The following SHB variants were observed in gnomAD, a reference collection of about 807,000 sequenced individuals.
SHB encodes the protein SH2 domain containing adaptor protein B, also known as SH2 domain-containing adapter protein B.
Under a neutral mutation model 52.3 loss-of-function variants are expected in SHB, and 20 were observed. The ratio of observed to expected loss-of-function variants is 0.38; its 90% confidence interval spans 0.27 to 0.56. The LOEUF (loss-of-function observed/expected upper bound fraction) is 0.56, where lower values mean the gene tolerates loss of function less well. SHB is among the 20% of genes least tolerant of loss of function. The probability of loss-of-function intolerance (pLI) is 0.71; values close to 1 mark genes in which losing one functional copy is unlikely to be tolerated. For synonymous variants in SHB, 397 were observed against 316.5 expected (o/e 1.25, Z -2.70); for missense variants, 825 against 723.3 (o/e 1.14, Z -1.61).
intron 3 of SHB, among the ~76,000 whole-genome samples, chr9:37,959,669 G>T (rs544312545): frequency 6.6e-6 from 1 of 152,094 alleles, no homozygotes; most frequent in East Asian, 1.9e-4. Context: ...CAAGCTTTTC[G>T]GCACAACCCA....
At chr9:37,989,895 C>T (rs1055591774) in intron 2 of SHB, among the ~76,000 whole-genome samples, 1 of 152,338 alleles carries the variant, frequency 6.6e-6, no homozygotes, top group African/African-American at 2.4e-5. Context: ...TCCTCTCAGG[C>T]AGCTCTTTCC....
chr9:38,015,381 C>T (rs779923479), intron 2 of SHB: 1 of 702,624 alleles, frequency 1.4e-6, no homozygotes, highest in South Asian at 1.5e-5. Flanking sequence ...TACCCAGCCA[C>T]ATTCTTCTTG....
chr9:38,006,797 C>T (rs1046162604), intron 2 of SHB, among the ~76,000 whole-genome samples: 3 of 152,238 alleles, frequency 2.0e-5, no homozygotes, highest in African/African-American at 7.2e-5. Flanking sequence ...GCCCGTGCTC[C>T]TCTACTGGGG....
At chr9:38,025,975 T>C (rs1010474615) in intron 1 of SHB, among the ~76,000 whole-genome samples, 1 of 152,174 alleles carries the variant, frequency 6.6e-6, no homozygotes, top group Admixed American at 6.5e-5. Context: ...ACAGAGTGCC[T>C]CCCAAACTGG....
intron 1 of SHB, among the ~76,000 whole-genome samples, chr9:38,058,164 C>A (rs1199649171): frequency 1.3e-5 from 2 of 152,244 alleles, no homozygotes; most frequent in Non-Finnish European, 2.9e-5. Context: ...GGGATCCCCT[C>A]TGTCTTGGAT....
chr9:38,029,109 C>T (rs1410027897), intron 1 of SHB, among the ~76,000 whole-genome samples: 2 of 152,180 alleles, frequency 1.3e-5, no homozygotes, highest in Non-Finnish European at 2.9e-5. Flanking sequence ...GTAAATGATT[C>T]TAGTCCACCA....
Position 37,916,919 on chromosome 9 carries a change from C to T in SHB, c.*2902G>A, listed in dbSNP as rs1228962247. Among the ~76,000 whole-genome samples the T allele has an allele frequency of 6.6e-6, 1 of 152,060 alleles. No homozygotes were observed. Among genetic ancestry groups the T allele is most frequent in the South Asian group, 2.1e-4 (1 of 4,826 alleles). ...CAAAGAAGGGAGACACAGAAACAGC[C>T]GCTAGTGCTGGAGGTTCTCAGACAA... is the stretch of plus-strand genomic sequence containing the variant. On this transcript the variant is annotated 3_prime_UTR_variant, in exon 6 of 6. Coordinates refer to ENST00000377707, the MANE Select transcript of SHB (RefSeq NM_003028.3).
At chr9:38,011,520 G>A (rs1032926235) in intron 2 of SHB, among the ~76,000 whole-genome samples, 1 of 152,176 alleles carries the variant, frequency 6.6e-6, no homozygotes, top group Non-Finnish European at 1.5e-5. Flanking sequence ...TTGTGGGGCT[G>A]GTCCTGGGTG....
At chr9:37,939,659 T>C (rs184434644) in intron 5 of SHB, among the ~76,000 whole-genome samples, 12 of 152,302 alleles carry the variant, frequency 7.9e-5, no homozygotes, top group Admixed American at 2.6e-4. Flanking sequence ...TAGTTGGCCA[T>C]TGGCTGGGCT....
At chr9:38,036,493 C>A (rs1463881305) in intron 1 of SHB, among the ~76,000 whole-genome samples, 1 of 152,208 alleles carries the variant, frequency 6.6e-6, no homozygotes, top group East Asian at 1.9e-4. Context: ...GACTTGGGCA[C>A]AAGGAACCCC....
intron 5 of SHB, among the ~76,000 whole-genome samples, chr9:37,941,256 A>G (rs1195401474): frequency 6.6e-6 from 1 of 152,242 alleles, no homozygotes; most frequent in East Asian, 1.9e-4. Context: ...TCTGAGGTCC[A>G]TAATAAAGAC....
chr9:37,915,920 T>C lies in SHB; in HGVS notation c.*3901A>G, dbSNP rs1197798094. On this transcript the variant is annotated 3_prime_UTR_variant, in exon 6 of 6. Transcript: ENST00000377707. ...TGGTAAACAAGACACTTGTAGTATA[T>C]TAAGAGCTTCACATTAAATATTCAT... 6.6e-6 allele frequency among the ~76,000 whole-genome samples: 1 copy of C among 152,060 alleles called. No individual in the cohort carries two copies. The highest frequency in any genetic ancestry group is 1.5e-5 in the Non-Finnish European group (1 of 67,988).
chr9:37,979,758 AC>A, intron 2 of SHB, among the ~76,000 whole-genome samples: 1 of 152,292 alleles, frequency 6.6e-6, no homozygotes. Context: ...AGAGTCCGAG[AC>A]CAGTCTGGCC....
chr9:37,945,072 G>A (rs756959575), intron 5 of SHB, among the ~76,000 whole-genome samples: 2 of 152,106 alleles, frequency 1.3e-5, no homozygotes, highest in African/African-American at 2.4e-5. Context: ...AAGGGTGCAC[G>A]GGGTGTCCTC....
rs141595646 is a variant in SHB, at chr9:38,051,036, A to T, written c.717+16893T>A. On this transcript the variant is annotated intron_variant, in intron 1 of 5. Coordinates refer to ENST00000377707, the MANE Select transcript of SHB (RefSeq NM_003028.3). ...GCTTCAAGTCTAATCATCTGTAAGG[A>T]TTCCTCAAAACAGTTTGCCTGGATA... Among the ~76,000 whole-genome samples the T allele has an allele frequency of 6.9e-3, 1,049 of 152,332 alleles. 9 individuals carry two copies. The highest frequency in any genetic ancestry group is 0.024 in the African/African-American group (1,006 of 41,574).
At chr9:37,950,656 C>T (rs1293029849) in intron 4 of SHB, among the ~76,000 whole-genome samples, 2 of 152,070 alleles carry the variant, frequency 1.3e-5, no homozygotes, top group Non-Finnish European at 2.9e-5. Context: ...CGAATGGTGG[C>T]TCTGCTGCCT....
At chr9:37,942,027 C>T (rs1194423331) in intron 5 of SHB, among the ~76,000 whole-genome samples, 3 of 152,182 alleles carry the variant, frequency 2.0e-5, no homozygotes, top group Non-Finnish European at 2.9e-5. Context: ...CTGCCTGGAC[C>T]CAGACATGCC....
At chr9:37,984,824 C>T (rs558500406) in intron 2 of SHB, among the ~76,000 whole-genome samples, 29 of 152,296 alleles carry the variant, frequency 1.9e-4, no homozygotes, top group African/African-American at 6.0e-4. Context: ...GAGAAGAATC[C>T]TCCCCCTAAC....
At chr9:38,020,079 C>G (rs1821263775) in intron 1 of SHB, among the ~76,000 whole-genome samples, 1 of 152,226 alleles carries the variant, frequency 6.6e-6, no homozygotes, top group Non-Finnish European at 1.5e-5. Flanking sequence ...ACACTCCAAA[C>G]TGACCCCTCT....
Sources: gnomAD v4.1 joint callset for allele counts (sites outside exome capture counted in the v4.1 genomes callset) on GRCh38, gnomAD v4.1.1 for gene constraint, MANE v1.5 for transcripts, NCBI Gene and HGNC (gene_info 2026-07-23, HGNC 2026-07-21) for gene names.